Variants in IMPG1 observed in about 807,000 individuals in gnomAD.
IMPG1 encodes interphotoreceptor matrix proteoglycan of 150 kDa.
IMPG1 carries 85 observed loss-of-function variants against 92.0 expected under a neutral mutation model. The ratio of observed to expected loss-of-function variants is 0.92; its 90% confidence interval spans 0.78 to 1.11. The LOEUF (loss-of-function observed/expected upper bound fraction) is 1.11. IMPG1 is among the 50% of genes least tolerant of loss of function. IMPG1 has a pLI of 0.00. For missense variants in IMPG1, 1,022 were observed against 956.0 expected, an observed-to-expected ratio of 1.07 and a Z score of -0.91; for synonymous variants, 367 against 334.1, an observed-to-expected ratio of 1.10 and a Z score of -1.08.
chr6:76,001,146 A>G (rs1582095860), intron 12 of IMPG1, among the ~76,000 whole-genome samples: 1 of 152,356 alleles, frequency 6.6e-6, no homozygotes, highest in Middle Eastern at 3.4e-3. Flanking sequence ...ATGTATAAAT[A>G]AAATGGAAAC....
At chr6:75,942,329 A>G (rs1410846954) in intron 14 of IMPG1, among the ~76,000 whole-genome samples, 4 of 152,162 alleles carry the variant, frequency 2.6e-5, no homozygotes, top group Non-Finnish European at 4.4e-5. Context: ...GTTCAAGTAA[A>G]TACTTGAAAG....
intron 12 of IMPG1, among the ~76,000 whole-genome samples, chr6:75,982,661 C>T (rs560899366): frequency 6.6e-6 from 1 of 151,354 alleles, no homozygotes. Flanking sequence ...TCAAACAACT[C>T]TCCTCACCTG....
intron 12 of IMPG1, among the ~76,000 whole-genome samples, chr6:75,974,392 T>TTTCTTTCTTTTC (rs1554230326): frequency 1.5e-3 from 92 of 59,512 alleles, no homozygotes; most frequent in East Asian, 7.6e-3. Context: ...TCTTTCTTTC[T>TTTCTTTCTTTTC]TTTCTTTCTT....
At chr6:75,944,581 T>A (rs1781892172) in intron 14 of IMPG1, among the ~76,000 whole-genome samples, 1 of 152,206 alleles carries the variant, frequency 6.6e-6, no homozygotes, top group South Asian at 2.1e-4. Flanking sequence ...TTGGCAGCCC[T>A]CTTGCATAGA....
At chr6:75,993,607 C>T (rs1394580930) in intron 12 of IMPG1, among the ~76,000 whole-genome samples, 1 of 152,144 alleles carries the variant, frequency 6.6e-6, no homozygotes, top group East Asian at 1.9e-4. Context: ...ATCCCAAAGG[C>T]TCTTACCTTT....
intron 12 of IMPG1, among the ~76,000 whole-genome samples, chr6:75,972,157 T>G (rs1782431228): frequency 6.6e-6 from 1 of 152,204 alleles, no homozygotes; most frequent in Non-Finnish European, 1.5e-5. Context: ...AGATGAATTC[T>G]TTGTTGTGCA....
intron 12 of IMPG1, among the ~76,000 whole-genome samples, chr6:75,996,394 A>C (rs1482125471): frequency 1.3e-5 from 2 of 152,222 alleles, no homozygotes; most frequent in Non-Finnish European, 2.9e-5. Flanking sequence ...GAGTATCAGC[A>C]TGGAAGGAAG....
At chr6:76,054,452 A>T (rs1318621083) in intron 1 of IMPG1, among the ~76,000 whole-genome samples, 1 of 152,200 alleles carries the variant, frequency 6.6e-6, no homozygotes, top group Non-Finnish European at 1.5e-5. Context: ...CTGTTAAAAG[A>T]CAGTGATTGT....
chr6:75,928,211 T>C (rs187642283), intron 15 of IMPG1, among the ~76,000 whole-genome samples: 101 of 152,092 alleles, frequency 6.6e-4, no homozygotes, highest in East Asian at 4.1e-3. Context: ...TTCTTTCTTT[T>C]TTTTTTGAGA....
At chr6:75,980,100 T>C (rs1782603473) in intron 12 of IMPG1, among the ~76,000 whole-genome samples, 1 of 152,174 alleles carries the variant, frequency 6.6e-6, no homozygotes, top group Non-Finnish European at 1.5e-5. Flanking sequence ...GTTTCGGACA[T>C]GATCACACAC....
intron 12 of IMPG1, among the ~76,000 whole-genome samples, chr6:75,974,393 T>TGCTTCCTTCC (rs1562354842): frequency 1.5e-5 from 1 of 65,008 alleles, no homozygotes; most frequent in African/African-American, 5.9e-5. Flanking sequence ...CTTTCTTTCT[T>TGCTTCCTTCC]TTCTTTCTTT....
intron 12 of IMPG1, among the ~76,000 whole-genome samples, chr6:75,976,002 C>T (rs1024979258): frequency 6.6e-6 from 1 of 151,914 alleles, no homozygotes; most frequent in African/African-American, 2.4e-5. Context: ...AGCTTGCGGG[C>T]TGTACAAACG....
chr6:76,016,120 G>A (rs1385161190), intron 7 of IMPG1, among the ~76,000 whole-genome samples: 1 of 152,168 alleles, frequency 6.6e-6, no homozygotes, highest in Non-Finnish European at 1.5e-5. Context: ...AAAAGTGTTA[G>A]CTATTATGTC....
chr6:76,009,033 G>T (rs1290062862), intron 8 of IMPG1, among the ~76,000 whole-genome samples: 2 of 152,154 alleles, frequency 1.3e-5, no homozygotes, highest in African/African-American at 4.8e-5. Context: ...CACCCATGTT[G>T]TTGTGTATTC....
At chr6:76,034,270 TA>T in intron 4 of IMPG1, 44 bp downstream of exon 4, 1 of 1,585,836 alleles carries the variant, frequency 6.3e-7, no homozygotes, top group Non-Finnish European at 8.6e-7. Context: ...ATGATCTTTT[TA>T]AATTCAAAAG....
intron 14 of IMPG1, among the ~76,000 whole-genome samples, chr6:75,945,587 G>T (rs2149455488): frequency 6.6e-6 from 1 of 152,244 alleles, no homozygotes; most frequent in South Asian, 2.1e-4. Context: ...CTGACCTCAA[G>T]TGATCCACCT....
chr6:76,018,988 C>G, intron 6 of IMPG1, 130 bp from the exon 7 acceptor site: 4 of 811,158 alleles, frequency 4.9e-6, no homozygotes, highest in Non-Finnish European at 7.1e-6. Context: ...CAATCAAAAT[C>G]CTTTTAACTA....
chr6:75,939,240 G>A (rs1025265982), intron 14 of IMPG1, among the ~76,000 whole-genome samples: 1 of 151,906 alleles, frequency 6.6e-6, no homozygotes, highest in Non-Finnish European at 1.5e-5. Context: ...GGGTACATGT[G>A]CACAACGTGC....
intron 1 of IMPG1, among the ~76,000 whole-genome samples, chr6:76,049,471 T>TC (rs1784000120): frequency 6.6e-6 from 1 of 151,972 alleles, no homozygotes; most frequent in Non-Finnish European, 1.5e-5. Flanking sequence ...ATTCTCTCTC[T>TC]CTCTGTCTCT....
Sources: allele counts gnomAD v4.1 joint callset (sites outside exome capture counted in the v4.1 genomes callset), GRCh38; gene constraint gnomAD v4.1.1; transcripts MANE v1.5; gene names NCBI Gene and HGNC (gene_info 2026-07-23, HGNC 2026-07-21).